TMEM131L: variants seen among roughly 807,000 people sequenced by gnomAD.
TMEM131L encodes transmembrane protein 131-like.
A neutral mutation model predicts 192.2 loss-of-function variants in TMEM131L; 54 were observed. The ratio of observed to expected loss-of-function variants is 0.28; its 90% CI spans 0.23 to 0.35. The LOEUF (loss-of-function observed/expected upper bound fraction) is 0.35. Ranked by LOEUF, TMEM131L falls within the 10% of genes least tolerant of loss-of-function variation. The probability of loss-of-function intolerance (pLI) is 1.00; values close to 1 mark genes in which losing one functional copy is unlikely to be tolerated. For missense variants in TMEM131L, 1,888 were observed against 1,972.9 expected, an observed-to-expected ratio of 0.96 and a Z score of 0.82; for synonymous variants, 701 against 704.9, an observed-to-expected ratio of 0.99 and a Z score of 0.09.
intron 3 of TMEM131L, among the ~76,000 whole-genome samples, chr4:153,542,996 G>C (rs1736907526): frequency 6.6e-6 from 1 of 152,176 alleles, no homozygotes; most frequent in South Asian, 2.1e-4. Flanking sequence ...CCATCAACAC[G>C]CTGGGCTGCT....
At chr4:153,528,563 AG>A (rs1216560291) in intron 3 of TMEM131L, among the ~76,000 whole-genome samples, 1 of 152,226 alleles carries the variant, frequency 6.6e-6, no homozygotes, top group East Asian at 1.9e-4. Flanking sequence ...TTTAAATTTA[AG>A]GAGGAAATTG....
chr4:153,627,819 G>A (rs1160442697), intron 31 of TMEM131L, 132 bp downstream of exon 31: 2 of 682,272 alleles, frequency 2.9e-6, no homozygotes, highest in Non-Finnish European at 5.0e-6. Context: ...CCTTCTGCAA[G>A]CCACACGTTC....
At chr4:153,585,409 C>G (rs779209784) in intron 12 of TMEM131L, 49 bp from the exon 13 acceptor site, 1 of 1,576,268 alleles carries the variant, frequency 6.3e-7, no homozygotes, top group South Asian at 1.1e-5. Flanking sequence ...AGAGGGCTGA[C>G]TGTTGTCCCA....
Position 153,587,751 on chromosome 4 carries a change from C to G in TMEM131L, c.1492C>G (p.Leu498Val), listed in dbSNP as rs1730793581. ...TTACTTTTCAATCTAGGAAGGGAGT[C>G]TGGGTTTTGAAGTGATAGCACATTG... ...IYSAPTKEGS[L>V]GFEVIAHCGM... Residue 498 changes from leucine (L) to valine (V), a missense_variant, in exon 15 of 35, where the codon CTG (leucine) becomes GTG (valine). Leu to Val is a conservative substitution (Grantham distance 32, BLOSUM62 1). Transcript: ENST00000409959. 4 of 1,610,284 alleles carry G rather than the reference C, an allele frequency of 2.5e-6. No individual in the cohort carries two copies. The highest frequency in any genetic ancestry group is 3.4e-6 in the Non-Finnish European group (4 of 1,176,628).
chr4:153,483,953 G>A (rs559335102), intron 3 of TMEM131L, among the ~76,000 whole-genome samples: 1 of 152,266 alleles, frequency 6.6e-6, no homozygotes, highest in African/African-American at 2.4e-5. Flanking sequence ...AACATCGGCA[G>A]CAGTATTAAT....
At chr4:153,590,385 C>T (rs138960292) in intron 16 of TMEM131L, among the ~76,000 whole-genome samples, 119 of 152,294 alleles carry the variant, frequency 7.8e-4, no homozygotes, top group African/African-American at 2.7e-3. Context: ...TCAGGAAGTA[C>T]GTAAATGTCA....
intron 3 of TMEM131L, among the ~76,000 whole-genome samples, chr4:153,499,767 T>G (rs1468140300): frequency 6.6e-6 from 1 of 152,204 alleles, no homozygotes; most frequent in Non-Finnish European, 1.5e-5. Context: ...AGCTTCAGCT[T>G]GAGCACTTCA....
At chr4:153,528,370 T>C (rs756386894) in intron 3 of TMEM131L, among the ~76,000 whole-genome samples, 9 of 152,196 alleles carry the variant, frequency 5.9e-5, no homozygotes, top group Non-Finnish European at 1.2e-4. Context: ...GTGGGAAAAC[T>C]GTGACATGTT....
At chr4:153,515,159 A>C (rs910447698) in intron 3 of TMEM131L, among the ~76,000 whole-genome samples, 1 of 152,296 alleles carries the variant, frequency 6.6e-6, no homozygotes, top group East Asian at 1.9e-4. Flanking sequence ...TAATATATTC[A>C]TAGTTTTGCA....
Position 153,507,367 on chromosome 4 carries a change from A to G in TMEM131L, c.239+33479A>G, listed in dbSNP as rs146677480. Among the ~76,000 whole-genome samples the G allele has an allele frequency of 1.2e-3, 189 of 152,302 alleles. 1 individual carries two copies. The highest frequency in any genetic ancestry group is 4.4e-3 in the African/African-American group (181 of 41,558). On this transcript the variant is annotated intron_variant, in intron 3 of 34. Coordinates refer to ENST00000409959, the MANE Select transcript of TMEM131L (RefSeq NM_001131007.2). ...CCAACTAAGGCAGTGGGGTCCTTGA[A>G]GTGGGATCTGCGTGGCACATCTCCA...
chr4:153,626,192 C>G lies in TMEM131L; in HGVS notation c.4091C>G (p.Ser1364Cys). The G allele has an allele frequency of 6.2e-7, 1 of 1,612,242 alleles. No individual in the cohort carries two copies. The highest frequency in any genetic ancestry group is 8.5e-7 in the Non-Finnish European group (1 of 1,178,498). Residue 1364 changes from serine (S) to cysteine (C), a missense_variant, in exon 30 of 35, where the codon TCC (serine) becomes TGC (cysteine). Coordinates refer to ENST00000409959, the MANE Select transcript of TMEM131L (RefSeq NM_001131007.2). ...QNDFPSEAPI[S>C]LNLSHNICNP... ...GATTTTCCTTCTGAAGCTCCCATCT[C>G]CTTGAATCTTTCTCATAACATCTGC...
chr4:153,566,584 A>G (rs552011972), intron 7 of TMEM131L, among the ~76,000 whole-genome samples: 71 of 151,652 alleles, frequency 4.7e-4, no homozygotes, highest in Middle Eastern at 3.4e-3. Flanking sequence ...TGAATTGTCT[A>G]AGAGATTTTC....
Position 153,636,574 on chromosome 4 carries a change from T to C in TMEM131L, c.4831T>C (p.Ter1611ArgextTer2). The change falls in exon 35 of 35, where the codon TGA becomes CGA. Residue 1611 changes from the stop codon to arginine, a stop_lost. Coordinates refer to ENST00000409959, the MANE Select transcript of TMEM131L (RefSeq NM_001131007.2). The stretch of plus-strand genomic sequence containing the variant: ...AGACTCGAGTTACTGTGGGAATGTG[T>C]GAAAATAATTGGATTTTTAAACAAT... ...SRDSSYCGNV[*>R] is the part of the protein sequence containing the mutation. The C allele has an allele frequency of 6.2e-7, 1 of 1,608,782 alleles. No homozygotes were observed. Among genetic ancestry groups the C allele is most frequent in the Non-Finnish European group, 8.5e-7 (1 of 1,175,796 alleles).
Position 153,466,407 on chromosome 4 carries a change from C to A in TMEM131L, c.10C>A (p.Leu4Ile). 2 of 1,346,868 alleles carry A rather than the reference C, an allele frequency of 1.5e-6. No individual in the cohort carries two copies. The highest frequency in any genetic ancestry group is 3.6e-5 in the South Asian group (2 of 55,586). 83.4% of individuals were successfully genotyped at this position (1,346,868 alleles called of 1,614,324 possible). A position where few individuals can be genotyped will look rare whatever the true frequency, so the allele number is the denominator to read the frequency against. The change falls in exon 1 of 35, where the codon CTC becomes ATC. Residue 4 changes from leucine to isoleucine, a missense_variant. By Grantham distance (5) the Leu-to-Ile change is conservative. Transcript: ENST00000409959. ...GAGCGCGAGCAGCAGCATGGCGGGG[C>A]TCCGACGCCCGCAGCCCGGCTGCTA... MAG[L>I]RRPQPGCYCR...
At position 153,612,383 on chromosome 4, in the gene TMEM131L, G is replaced by T. The variant is rs759683383; in HGVS notation, c.3550G>T (p.Asp1184Tyr). The T allele has an allele frequency of 1.3e-5, 20 of 1,591,676 alleles. No homozygotes were observed. Among genetic ancestry groups the T allele is most frequent in the Middle Eastern group, 3.3e-4 (2 of 6,010 alleles). Residue 1184 changes from aspartate to tyrosine, a missense_variant, in exon 26 of 35, where the codon GAC becomes TAC. Transcript: ENST00000409959. ...SREDMFSEKQ[D>Y]IPFVEQEDPY... ...AGAAGACATGTTTTCTGAGAAACAG[G>T]ACATACCTTTCGTAGAGGTCTGTAT...
At chr4:153,600,663 A>G (rs1731774798) in intron 21 of TMEM131L, among the ~76,000 whole-genome samples, 1 of 152,258 alleles carries the variant, frequency 6.6e-6, no homozygotes. Context: ...TTAATTTTAT[A>G]AAAACACAGA....
At chr4:153,559,189 G>T (rs529946463) in intron 7 of TMEM131L, among the ~76,000 whole-genome samples, 42 of 152,292 alleles carry the variant, frequency 2.8e-4, no homozygotes, top group African/African-American at 1.0e-3. Context: ...CTACATTCCA[G>T]TTGGGGAGAA....
At chr4:153,532,412 C>T (rs1735963538) in intron 3 of TMEM131L, among the ~76,000 whole-genome samples, 1 of 149,838 alleles carries the variant, frequency 6.7e-6, no homozygotes, top group Non-Finnish European at 1.5e-5. Flanking sequence ...AGGAGTCTGG[C>T]GTGTGTGCTT....
chr4:153,574,495 A>G (rs1729803263), intron 7 of TMEM131L, among the ~76,000 whole-genome samples: 1 of 152,198 alleles, frequency 6.6e-6, no homozygotes. Flanking sequence ...CATTTTATAC[A>G]AGATCATTTG....
Sources: allele counts gnomAD v4.1 joint callset (sites outside exome capture counted in the v4.1 genomes callset), GRCh38; gene constraint gnomAD v4.1.1; transcripts MANE v1.5; gene names NCBI Gene and HGNC (gene_info 2026-07-23, HGNC 2026-07-21).